GLB1L3: variants seen among roughly 807,000 people sequenced by gnomAD.
GLB1L3 encodes galactosidase beta 1 like 3.
In GLB1L3, 89 loss-of-function variants were observed where a neutral mutation model predicts 89.5. The ratio of observed to expected loss-of-function variants is 0.99; its 90% confidence interval spans 0.84 to 1.19. The LOEUF (loss-of-function observed/expected upper bound fraction) is 1.19, where lower values mean the gene tolerates loss of function less well. Among genes scored for constraint, GLB1L3 ranks in the 50% most tolerant of loss-of-function variants. GLB1L3 has a pLI of 0.00. For synonymous variants in GLB1L3, 314 were observed against 312.3 expected, an observed-to-expected ratio of 1.01 and a Z score of -0.06; for missense variants, 812 against 813.3, an observed-to-expected ratio of 1.00 and a Z score of 0.02.
intron 5 of GLB1L3, among the ~76,000 whole-genome samples, chr11:134,282,826 G>C (rs1307954207): frequency 6.6e-6 from 1 of 152,172 alleles, no homozygotes; most frequent in African/African-American, 2.4e-5. Context: ...CTTTTCTCCA[G>C]GATGAAGAGA....
intron 5 of GLB1L3, 115 bp downstream of exon 5, chr11:134,282,235 G>C: frequency 7.8e-7 from 1 of 1,282,808 alleles, no homozygotes; most frequent in South Asian, 1.5e-5. Context: ...CCGATGGGAG[G>C]TGTGCTGCCC....
At chr11:134,324,477 A>G (rs1943200288), downstream of GLB1L3, among the ~76,000 whole-genome samples, 1 of 152,228 alleles carries the variant, frequency 6.6e-6, no homozygotes, top group African/African-American at 2.4e-5. Flanking sequence ...CTGCAGACTC[A>G]AAGCTATAAG....
At chr11:134,306,611 A>C (rs1034831063) in intron 9 of GLB1L3, among the ~76,000 whole-genome samples, 2 of 152,192 alleles carry the variant, frequency 1.3e-5, no homozygotes, top group Non-Finnish European at 2.9e-5. Context: ...CACCCAGAAG[A>C]AGCTCAGCTA....
downstream of GLB1L3, among the ~76,000 whole-genome samples, chr11:134,323,435 C>T (rs368765852): frequency 6.6e-6 from 1 of 151,340 alleles, no homozygotes; most frequent in Non-Finnish European, 1.5e-5. Context: ...AATTAGTCGG[C>T]CTGGTGGTGG....
intron 3 of GLB1L3, 94 bp from the exon 4 acceptor site, chr11:134,281,283 T>C: frequency 7.4e-7 from 1 of 1,354,832 alleles, no homozygotes. Context: ...AAAATAGAGC[T>C]ATGCATGGTT....
At chr11:134,316,974 C>A (rs774493974) in intron 18 of GLB1L3, 3 of 151,060 alleles carry the variant, frequency 2.0e-5, no homozygotes, top group Non-Finnish European at 4.4e-5. Flanking sequence ...ACCGAAGGCG[C>A]CATTTGGCAG....
chr11:134,319,075 C>G lies in GLB1L3; in HGVS notation c.*133C>G. ...GTTCACGCCATTCTCCTGCCTCAGC[C>G]TCCCCAGCAGCTGGGACTACAGGTG... is the stretch of plus-strand genomic sequence containing the variant. On this transcript the variant is annotated 3_prime_UTR_variant, in exon 20 of 20. Coordinates refer to ENST00000431683, the MANE Select transcript of GLB1L3 (RefSeq NM_001080407.3). 1.5e-6 allele frequency: 1 copy of G among 661,092 alleles called. No individual in the cohort carries two copies. The highest frequency in any genetic ancestry group is 2.6e-6 in the Non-Finnish European group (1 of 378,976). The allele number at this position is 661,092 out of a possible 1,614,324, so 41.0% of individuals were successfully genotyped here. A position where few individuals can be genotyped will look rare whatever the true frequency, so the allele number is the denominator to read the frequency against.
At chr11:134,310,154 G>A (rs922842913) in intron 11 of GLB1L3, 2 of 377,728 alleles carry the variant, frequency 5.3e-6, no homozygotes, top group South Asian at 3.5e-5. Context: ...GGGCCACACT[G>A]GAAGAAGAAG....
downstream of GLB1L3, among the ~76,000 whole-genome samples, chr11:134,324,102 C>G (rs1028343594): frequency 2.0e-5 from 3 of 152,138 alleles, no homozygotes; most frequent in African/African-American, 7.2e-5. Flanking sequence ...CATTTCATAA[C>G]TATTTCTTGG....
rs772634920 is a variant in GLB1L3, at chr11:134,277,270, GCAGCCCGGTGGGGC to G, written c.24-54_24-41del. 3 of 1,611,010 alleles carry G rather than the reference GCAGCCCGGTGGGGC, an allele frequency of 1.9e-6. No homozygotes were observed. In the Admixed American group the frequency reaches 5.0e-5, roughly 27 times the overall value. ...CCCCCGGCACAGCTTCCCGGCCCTT[GCAGCCCGGTGGGGC>G]CGGAACCTTCCCCTTGTCACTGTTG... On this transcript the variant is annotated intron_variant, in intron 1 of 19. Transcript: ENST00000431683.
At chr11:134,289,020 G>A in intron 7 of GLB1L3, 130 bp downstream of exon 7, 1 of 613,460 alleles carries the variant, frequency 1.6e-6, no homozygotes, top group South Asian at 2.4e-5. Flanking sequence ...TGAACACGAG[G>A]TGCGGAGGGG....
At chr11:134,291,126 GTTTCCGA>G (rs1941331903) in intron 7 of GLB1L3, among the ~76,000 whole-genome samples, 1 of 152,114 alleles carries the variant, frequency 6.6e-6, no homozygotes, top group Non-Finnish European at 1.5e-5. Flanking sequence ...GCTCTGTTTA[GTTTCCGA>G]TTTCCTCATA....
chr11:134,277,030 A>C, intron 1 of GLB1L3: 1 of 570,478 alleles, frequency 1.8e-6, no homozygotes. Context: ...TCCTTCCCGA[A>C]CCTGGTGCTG....
chr11:134,309,609 C>T lies in GLB1L3; in HGVS notation c.962-17C>T, dbSNP rs759293956. 4 of 1,567,990 alleles carry T rather than the reference C, an allele frequency of 2.6e-6. No homozygotes were observed. Among genetic ancestry groups the T allele is most frequent in the African/African-American group, 1.3e-5 (1 of 74,148 alleles). On this transcript the variant is annotated splice_polypyrimidine_tract_variant and intron_variant, in intron 10 of 19. Transcript: ENST00000431683. Reference sequence around the variant, plus strand: ...TAATTTCTAACATTCTCTGTGTTCTCATGTTCCCCTTTGCAGAGGTTGAAC... The same window carrying T: ...TAATTTCTAACATTCTCTGTGTTCTTATGTTCCCCTTTGCAGAGGTTGAAC...
rs1942680963 is a variant in GLB1L3, at chr11:134,310,632, A to C, written c.1161A>C (p.Lys387Asn). 1.2e-6 allele frequency: 2 copies of C among 1,611,976 alleles called. No homozygotes were observed. Among genetic ancestry groups the C allele is most frequent in the African/African-American group, 2.7e-5 (2 of 74,506 alleles). ...DYTEKYLKLQ[K>N]LFQSVSATPL... ...CAGAAAAATATCTGAAGCTTCAAAA[A>C]CTCTTTCAATCTGTCTCAGGTACTC... Residue 387 changes from lysine (K) to asparagine (N), a missense_variant, in exon 12 of 20, where the codon AAA (lysine) becomes AAC (asparagine). Lys to Asn is a moderately conservative substitution (Grantham distance 94). Around this residue, in one of 3 missense-constraint regions of GLB1L3, gnomAD observed 618 missense variants for 604.0 expected, o/e 1.02. Transcript: ENST00000431683.
chr11:134,310,582 G>C lies in GLB1L3; in HGVS notation c.1111G>C (p.Val371Leu), dbSNP rs1942678083. The change falls in exon 12 of 20, where the codon GTG becomes CTG. Residue 371 changes from valine (V) to leucine (L), a missense_variant. Coordinates refer to ENST00000431683, the MANE Select transcript of GLB1L3 (RefSeq NM_001080407.3). ...CTGGTGTCTTGCAGACTATGATGCAGTGCTCACGGAGGCTGGAGATTACAC... is the reference window on the plus strand; with the variant it reads ...CTGGTGTCTTGCAGACTATGATGCACTGCTCACGGAGGCTGGAGATTACAC... ...GIVTSYDYDA[V>L]LTEAGDYTEK... 1.9e-6 allele frequency: 3 copies of C among 1,612,670 alleles called. No individual in the cohort carries two copies. The highest frequency in any genetic ancestry group is 2.5e-6 in the Non-Finnish European group (3 of 1,179,262).
rs373078113 is a variant in GLB1L3 at position 134,312,890 on chromosome 11, A to G, written c.1500+3A>G. ...ACCTGCACATTCCTGAACTCAGGGT[A>G]TGTAATTTGAGAGTCCAGGTGATGC... On this transcript the variant is annotated splice_donor_region_variant and intron_variant, in intron 15 of 19. Transcript: ENST00000431683. 5.0e-6 allele frequency: 8 copies of G among 1,596,824 alleles called. No individual in the cohort carries two copies. The highest frequency in any genetic ancestry group is 6.0e-6 in the Non-Finnish European group (7 of 1,166,598).
In GLB1L3 at chr11:134,311,178, C is replaced by T. The variant is rs768804347; in HGVS notation, c.1287+8C>T. On this transcript the variant is annotated splice_region_variant and intron_variant, in intron 13 of 19. Coordinates refer to ENST00000431683, the MANE Select transcript of GLB1L3 (RefSeq NM_001080407.3). ...CTATCCTACTTAAATGAGGTGCGTGCTGCCTGGCCACAGGAGGCGGAGTGG... is the reference window on the plus strand; with the variant it reads ...CTATCCTACTTAAATGAGGTGCGTGTTGCCTGGCCACAGGAGGCGGAGTGG... 3 of 1,605,102 alleles carry T rather than the reference C, an allele frequency of 1.9e-6. No individual in the cohort carries two copies. In the South Asian group the frequency reaches 3.3e-5, roughly 18 times the overall value.
At chr11:134,313,364 C>A in intron 15 of GLB1L3, 32 bp from the exon 16 acceptor site, 1 of 1,535,916 alleles carries the variant, frequency 6.5e-7, no homozygotes, top group Non-Finnish European at 8.8e-7. Flanking sequence ...TCCATGGCTG[C>A]GTGGTCTCCA....
Sources: gnomAD v4.1 joint callset for allele counts (sites outside exome capture counted in the v4.1 genomes callset) on GRCh38, gnomAD v4.1.1 for gene constraint, gnomAD v4.1.1 regional missense constraint, MANE v1.5 for transcripts, NCBI Gene and HGNC (gene_info 2026-07-23, HGNC 2026-07-21) for gene names.